Variants in PCDHGA1 observed in about 807,000 individuals in gnomAD.
PCDHGA1 encodes protocadherin gamma-A1.
Under a neutral mutation model 58.0 loss-of-function variants are expected in PCDHGA1, and 32 were observed. The observed-to-expected ratio is 0.55, with a 90% confidence interval of 0.42 to 0.74. PCDHGA1 has a LOEUF of 0.74. PCDHGA1 is among the 30% of genes least tolerant of loss of function. PCDHGA1 has a pLI of 0.00. For synonymous variants in PCDHGA1, 498 were observed against 501.1 expected, an observed-to-expected ratio of 0.99 and a Z score of 0.08; for missense variants, 1,205 against 1,182.3, an observed-to-expected ratio of 1.02 and a Z score of -0.28.
At chr5:141,405,804 C>T (rs1277295024) in intron 1 of PCDHGA1, among the ~76,000 whole-genome samples, 1 of 146,338 alleles carries the variant, frequency 6.8e-6, no homozygotes, top group Non-Finnish European at 1.5e-5. Context: ...AGTTAGCTTT[C>T]TCTTTAACTG....
At chr5:141,389,111 C>T (rs752785695) in intron 1 of PCDHGA1, 4 of 1,614,008 alleles carry the variant, frequency 2.5e-6, no homozygotes, top group South Asian at 1.1e-5. Flanking sequence ...CTGTTCTAGA[C>T]CGCGAGCAGA....
chr5:141,356,868 C>T (rs756682784), intron 1 of PCDHGA1: 12 of 1,614,088 alleles, frequency 7.4e-6, no homozygotes, highest in South Asian at 2.2e-5. Flanking sequence ...TGGACCAGAA[C>T]GACAATGTCC....
At chr5:141,345,530 G>T in intron 1 of PCDHGA1, 1 of 1,614,090 alleles carries the variant, frequency 6.2e-7, no homozygotes. Flanking sequence ...TCCAGGGGGC[G>T]CCCCTGTCCT....
chr5:141,409,749 C>T (rs1477022032), intron 1 of PCDHGA1: 4 of 1,613,030 alleles, frequency 2.5e-6, no homozygotes, highest in Admixed American at 1.7e-5. Context: ...GTGGTGTTCG[C>T]GCAGCGCGCC....
intron 1 of PCDHGA1, chr5:141,345,322 C>A (rs1757554908): frequency 1.2e-6 from 2 of 1,613,942 alleles, no homozygotes. Context: ...GGGGGAAGCC[C>A]GCCACTGTCC....
chr5:141,408,316 G>A (rs1407149479), intron 1 of PCDHGA1: 3 of 1,613,750 alleles, frequency 1.9e-6, no homozygotes, highest in African/African-American at 1.3e-5. Context: ...ACTCGATTCC[G>A]GAGGAGCTGG....
Position 141,332,912 on chromosome 5 carries a change from T to C in PCDHGA1, c.2228T>C (p.Val743Ala), listed in dbSNP as rs1277383210. Residue 743 changes from valine to alanine, a missense_variant, in exon 1 of 4, where the codon GTG becomes GCG. Transcript: ENST00000517417. The surrounding 1 kb of genome is among the most constrained non-coding windows in gnomAD (Gnocchi z 4.6). Reference sequence around the variant, plus strand: ...ATGCCCGGTTCGCACTTTGTGGGCGTGGACGGGGTTCGGGCTTTCCTGCAG... The same window carrying C: ...ATGCCCGGTTCGCACTTTGTGGGCGCGGACGGGGTTCGGGCTTTCCTGCAG... ...ASMPGSHFVGVDGVRAFLQTY... is the reference protein window; with the variant it reads ...ASMPGSHFVGADGVRAFLQTY... 3.6e-5 allele frequency: 58 copies of C among 1,614,100 alleles called. No individual in the cohort carries two copies. Among genetic ancestry groups the C allele is most frequent in the Non-Finnish European group, 4.7e-5 (55 of 1,180,046 alleles).
chr5:141,365,146 A>T (rs780914811), intron 1 of PCDHGA1: 6 of 1,613,932 alleles, frequency 3.7e-6, no homozygotes, highest in Non-Finnish European at 4.2e-6. Flanking sequence ...CAGATGAGGG[A>T]ATAAACGGGA....
chr5:141,371,136 A>C (rs775992488), intron 1 of PCDHGA1: 1 of 1,614,042 alleles, frequency 6.2e-7, no homozygotes, highest in Non-Finnish European at 8.5e-7. Context: ...GGACATGTAC[A>C]GGGTCAATGT....
chr5:141,352,666 G>A lies in PCDHGA1; in HGVS notation c.2421+19561G>A, dbSNP rs773765365. On this transcript the variant is annotated intron_variant, in intron 1 of 3. Transcript: ENST00000517417. ...TCGCTTATGACCCTTCTTTGTCTTC[G>A]CACGTGAGTTTCTGCAAATCTAGTT... 7.6e-6 allele frequency: 12 copies of A among 1,585,710 alleles called. No individual in the cohort carries two copies. In the Admixed American group the frequency reaches 9.1e-5, roughly 12 times the overall value.
chr5:141,404,738 A>C (rs1361110725), intron 1 of PCDHGA1: 24 of 1,613,674 alleles, frequency 1.5e-5, no homozygotes, highest in Non-Finnish European at 1.9e-5. Flanking sequence ...GGCAGTGGAC[A>C]GAGACTCAGG....
intron 1 of PCDHGA1, chr5:141,393,005 C>T: frequency 6.2e-7 from 1 of 1,613,866 alleles, no homozygotes; most frequent in Non-Finnish European, 8.5e-7. Context: ...AGCACGGAGT[C>T]CGTATCGTCT....
chr5:141,359,076 G>T (rs1165492241), intron 1 of PCDHGA1, among the ~76,000 whole-genome samples: 2 of 152,194 alleles, frequency 1.3e-5, no homozygotes, highest in East Asian at 1.9e-4. Context: ...TTACAAAGGA[G>T]AGTTTTAGTT....
Position 141,330,835 on chromosome 5 carries a change from G to A in PCDHGA1, c.151G>A (p.Asp51Asn). The change falls in exon 1 of 4, where the codon GAC (aspartate) becomes AAC (asparagine). Residue 51 changes from aspartate (D) to asparagine (N), a missense_variant. By Grantham distance (23) the Asp-to-Asn change is conservative. Transcript: ENST00000517417. ...TTCCTTCGTAGGCAACATCGCCAAG[G>A]ACCTAGGGCTGCAACCCCAGGAGCT... Reference protein sequence around the residue: ...KGSFVGNIAKDLGLQPQELAD... With the variant: ...KGSFVGNIAKNLGLQPQELAD... 3 of 1,614,172 alleles carry A rather than the reference G, an allele frequency of 1.9e-6. No homozygotes were observed. The highest frequency in any genetic ancestry group is 2.5e-6 in the Non-Finnish European group (3 of 1,180,032).
chr5:141,492,616 G>C (rs976681246), intron 1 of PCDHGA1, among the ~76,000 whole-genome samples: 2 of 152,252 alleles, frequency 1.3e-5, no homozygotes, highest in African/African-American at 4.8e-5. Context: ...CTAAGTGCCG[G>C]GCGGGCAGGA....
chr5:141,350,333 G>C, intron 1 of PCDHGA1: 1 of 1,537,748 alleles, frequency 6.5e-7, no homozygotes, highest in Non-Finnish European at 8.7e-7. Flanking sequence ...TTTGTTCTGC[G>C]GGGCCATCTC....
chr5:141,355,576 G>T (rs1347277711), intron 1 of PCDHGA1: 1 of 1,614,022 alleles, frequency 6.2e-7, no homozygotes, highest in Non-Finnish European at 8.5e-7. Context: ...AATAATCGAT[G>T]TTAATGATAA....
At chr5:141,355,698 C>G (rs781213427) in intron 1 of PCDHGA1, 1 of 1,613,810 alleles carries the variant, frequency 6.2e-7, no homozygotes, top group Non-Finnish European at 8.5e-7. Context: ...GTGTAAACTC[C>G]CTGCAGGGTT....
intron 1 of PCDHGA1, chr5:141,378,047 TC>T (rs1257560476): frequency 1.3e-5 from 2 of 152,202 alleles, no homozygotes; most frequent in Non-Finnish European, 2.9e-5. Flanking sequence ...ACTTTCCTTA[TC>T]TATCTGACTC....
Sources: gnomAD v4.1 joint callset for allele counts (sites outside exome capture counted in the v4.1 genomes callset) on GRCh38, gnomAD v4.1.1 for gene constraint, Gnocchi (gnomAD v3.1) non-coding constraint, MANE v1.5 for transcripts, NCBI Gene and HGNC (gene_info 2026-07-23, HGNC 2026-07-21) for gene names.